CCDC33: variants seen among roughly 807,000 people sequenced by gnomAD.
CCDC33 encodes coiled-coil domain containing 33.
Under a neutral mutation model 91.9 loss-of-function variants are expected in CCDC33, and 94 were observed. The observed-to-expected ratio is 1.02, with a 90% confidence interval of 0.87 to 1.21. The LOEUF is 1.21. Ranked by LOEUF, CCDC33 falls within the 50% of genes most tolerant of loss-of-function variation. The pLI, the probability that CCDC33 is intolerant of heterozygous loss-of-function variation, is 0.00. For synonymous variants in CCDC33, 396 were observed against 374.5 expected, an observed-to-expected ratio of 1.06 and a Z score of -0.66; for missense variants, 940 against 935.5, an observed-to-expected ratio of 1.00 and a Z score of -0.06.
At chr15:74,203,946 C>G (rs1459281004) in intron 1 of CCDC33, among the ~76,000 whole-genome samples, 1 of 152,198 alleles carries the variant, frequency 6.6e-6, no homozygotes, top group Non-Finnish European at 1.5e-5. Flanking sequence ...ACAGAGGAAA[C>G]AGCACGGGTG....
rs765966640 is a variant in CCDC33, at chr15:74,217,508, T to A, written c.237T>A (p.Asp79Glu). ...TCCCTGCCTGCTCTGCTATCACTGA[T>A]GTCATTGAGCAGCAGGAGCCTGGCC... Residue 79 changes from aspartate to glutamate, a missense_variant, in exon 1 of 3, where the codon GAT becomes GAA. Coordinates refer to the CCDC33 transcript ENST00000635913. 38 of 1,288,708 alleles carry A rather than the reference T, an allele frequency of 2.9e-5. 2 individuals carry two copies. In the South Asian group the frequency reaches 4.7e-4, roughly 16 times the overall value. The allele number at this position is 1,288,708 out of a possible 1,614,324, so 79.8% of individuals were successfully genotyped here. A position where few individuals can be genotyped will look rare whatever the true frequency, so the allele number is the denominator to read the frequency against.
chr15:74,333,873 G>T lies in CCDC33; in HGVS notation c.1939-8G>T. On this transcript the variant is annotated splice_polypyrimidine_tract_variant and splice_region_variant and intron_variant, in intron 16 of 18. Transcript: ENST00000398814. ...GGGGCCAAATGTGAGTTTGTGCTTT[G>T]CCCACAGGATCTCCTCTCTGGTACT... 6.2e-7 allele frequency: 1 copy of T among 1,611,842 alleles called. No individual in the cohort carries two copies. Among genetic ancestry groups the T allele is most frequent in the Non-Finnish European group, 8.5e-7 (1 of 1,178,386 alleles).
At chr15:74,279,236 G>A (rs1283105302) in intron 7 of CCDC33, among the ~76,000 whole-genome samples, 1 of 152,180 alleles carries the variant, frequency 6.6e-6, no homozygotes, top group East Asian at 1.9e-4. Flanking sequence ...AAATGGGAAG[G>A]AAGAAATCAG....
At chr15:74,307,457 C>A (rs1053630709) in intron 11 of CCDC33, among the ~76,000 whole-genome samples, 1 of 152,156 alleles carries the variant, frequency 6.6e-6, no homozygotes, top group African/African-American at 2.4e-5. Context: ...CACAATAACC[C>A]TCCCAGGGCC....
chr15:74,242,288 T>C (rs1297391415), intron 1 of CCDC33, among the ~76,000 whole-genome samples: 1 of 152,170 alleles, frequency 6.6e-6, no homozygotes, highest in African/African-American at 2.4e-5. Context: ...GGTTTAAACC[T>C]ACCTCTCCTG....
At chr15:74,334,866 A>G in intron 17 of CCDC33, 109 bp from the exon 18 acceptor site, 1 of 959,040 alleles carries the variant, frequency 1.0e-6, no homozygotes, top group East Asian at 2.4e-5. Flanking sequence ...CACATGGCCC[A>G]GAGCTTTGCT....
At chr15:74,249,476 A>C (rs1221860210) in intron 2 of CCDC33, among the ~76,000 whole-genome samples, 2 of 148,598 alleles carry the variant, frequency 1.3e-5, no homozygotes, top group African/African-American at 2.5e-5. Context: ...TGACAGAGCG[A>C]GGCTCCGTCT....
chr15:74,332,785 G>C lies in CCDC33; in HGVS notation c.1878G>C (p.Thr626=), dbSNP rs780711984. 32 of 1,614,084 alleles carry C rather than the reference G, an allele frequency of 2.0e-5. No homozygotes were observed. The Admixed American group carries it at 5.2e-4, about 26-fold the overall frequency. The change falls in exon 16 of 19, where the codon ACG becomes ACC. Residue 626 remains threonine (T), a synonymous_variant. Coordinates refer to ENST00000398814, the MANE Select transcript of CCDC33 (RefSeq NM_025055.5). Reference sequence around the variant, plus strand: ...TGGCAGAAAACGCGAAGCTGCGGACGGAGCTGGATAAGAACCGCCACCAGC... The same window carrying C: ...TGGCAGAAAACGCGAAGCTGCGGACCGAGCTGGATAAGAACCGCCACCAGC... ...VLLAENAKLR[T]ELDKNRHQQA... is the part of the protein sequence containing the mutation.
chr15:74,208,568 G>A (rs1002961186), intron 1 of CCDC33, among the ~76,000 whole-genome samples: 10 of 152,124 alleles, frequency 6.6e-5, no homozygotes, highest in South Asian at 2.1e-4. Flanking sequence ...AGGACTCTGC[G>A]AATGTCTCCT....
At chr15:74,204,179 G>C (rs1235418977) in intron 1 of CCDC33, among the ~76,000 whole-genome samples, 1 of 152,208 alleles carries the variant, frequency 6.6e-6, no homozygotes, top group Non-Finnish European at 1.5e-5. Context: ...TTGATGTAAT[G>C]AGGAGCCCAC....
chr15:74,309,401 C>T (rs898124262), intron 11 of CCDC33, among the ~76,000 whole-genome samples: 2 of 152,228 alleles, frequency 1.3e-5, no homozygotes, highest in African/African-American at 4.8e-5. Flanking sequence ...ACTGAATGCA[C>T]AGAATGCCCT....
chr15:74,315,976 G>C (rs530771172), intron 11 of CCDC33, among the ~76,000 whole-genome samples: 1 of 152,282 alleles, frequency 6.6e-6, no homozygotes, highest in East Asian at 1.9e-4. Flanking sequence ...ACTCCAGCCA[G>C]GCACCTGCCC....
intron 11 of CCDC33, chr15:74,318,625 C>A: frequency 2.6e-6 from 2 of 759,172 alleles, no homozygotes; most frequent in East Asian, 2.5e-5. Flanking sequence ...CTCCAGCCCC[C>A]AAGGCTGCCC....
chr15:74,246,616 A>C (rs2075537337), intron 2 of CCDC33, among the ~76,000 whole-genome samples: 1 of 152,260 alleles, frequency 6.6e-6, no homozygotes, highest in Non-Finnish European at 1.5e-5. Flanking sequence ...AGCCACAAGG[A>C]GATAGCACCT....
chr15:74,247,469 C>A (rs2075573919), intron 2 of CCDC33, among the ~76,000 whole-genome samples: 1 of 151,278 alleles, frequency 6.6e-6, no homozygotes. Flanking sequence ...ACATATATAT[C>A]CACATATAGA....
intron 4 of CCDC33, among the ~76,000 whole-genome samples, chr15:74,267,357 G>T (rs905658624): frequency 6.6e-6 from 1 of 152,146 alleles, no homozygotes; most frequent in Non-Finnish European, 1.5e-5. Flanking sequence ...AGGAGAGTTG[G>T]GGGGTACATG....
intron 18 of CCDC33, 46 bp from the exon 19 acceptor site, chr15:74,335,879 C>A (rs900980538): frequency 2.7e-6 from 4 of 1,468,304 alleles, no homozygotes; most frequent in Non-Finnish European, 3.8e-6. Context: ...GCAGGTCACC[C>A]CCTGGGAATG....
chr15:74,268,747 G>A (rs536541542), intron 5 of CCDC33, among the ~76,000 whole-genome samples: 10 of 152,318 alleles, frequency 6.6e-5, no homozygotes, highest in Middle Eastern at 3.4e-3. Context: ...CTGGTGTACC[G>A]TCTCTGTGCT....
intron 2 of CCDC33, among the ~76,000 whole-genome samples, chr15:74,228,056 G>A (rs2074856091): frequency 6.6e-6 from 1 of 152,168 alleles, no homozygotes; most frequent in African/African-American, 2.4e-5. Flanking sequence ...CCTCCATGCA[G>A]GAAGCATTTG....
Sources: gnomAD v4.1 joint callset for allele counts (sites outside exome capture counted in the v4.1 genomes callset) on GRCh38, gnomAD v4.1.1 for gene constraint, MANE v1.5 for transcripts, NCBI Gene and HGNC (gene_info 2026-07-23, HGNC 2026-07-21) for gene names.